Variants in NAV3 observed in about 807,000 individuals in gnomAD.
NAV3 encodes pore membrane and/or filament interacting like protein 1.
A neutral mutation model predicts 244.7 loss-of-function variants in NAV3; 87 were observed. That is an observed-to-expected ratio of 0.36 (90% CI 0.30 to 0.42). The LOEUF (loss-of-function observed/expected upper bound fraction) is 0.42. Ranked by LOEUF, NAV3 falls within the 20% of genes least tolerant of loss-of-function variation. The pLI is 1.00. For synonymous variants in NAV3, 1,126 were observed against 1,042.2 expected (o/e 1.08, Z -1.55); for missense variants, 2,663 against 2,893.3 (o/e 0.92, Z 1.83).
intron 1 of NAV3, among the ~76,000 whole-genome samples, chr12:77,899,932 G>A (rs1885069750): frequency 6.6e-6 from 1 of 152,078 alleles, no homozygotes; most frequent in African/African-American, 2.4e-5. Flanking sequence ...CTTGTTACAT[G>A]GGTATATTGT....
intron 2 of NAV3, among the ~76,000 whole-genome samples, chr12:77,784,899 T>A (rs1381870556): frequency 6.6e-6 from 1 of 152,186 alleles, no homozygotes; most frequent in Non-Finnish European, 1.5e-5. Context: ...AGCCCTTTGG[T>A]TACTGAAGCA....
chr12:77,698,852 A>G (rs1875432313), intron 2 of NAV3, among the ~76,000 whole-genome samples: 1 of 152,110 alleles, frequency 6.6e-6, no homozygotes, highest in African/African-American at 2.4e-5. Context: ...TCACCTATCC[A>G]TCAACCCTAT....
At chr12:77,728,557 A>G (rs560830824) in intron 2 of NAV3, among the ~76,000 whole-genome samples, 1 of 152,094 alleles carries the variant, frequency 6.6e-6, no homozygotes, top group African/African-American at 2.4e-5. Flanking sequence ...AAACACATCA[A>G]TAGGGTAATA....
chr12:77,708,176 G>GT (rs1565780896), intron 2 of NAV3, among the ~76,000 whole-genome samples: 1 of 152,078 alleles, frequency 6.6e-6, no homozygotes, highest in Non-Finnish European at 1.5e-5. Flanking sequence ...TTCTTCTAGG[G>GT]TTTTTATGGT....
At chr12:77,770,331 A>G (rs954227273) in intron 2 of NAV3, among the ~76,000 whole-genome samples, 4 of 152,188 alleles carry the variant, frequency 2.6e-5, no homozygotes, top group African/African-American at 9.7e-5. Context: ...GCACTTCTGG[A>G]TGAACAGACG....
At chr12:77,641,340 G>C (rs1366600796) in intron 2 of NAV3, among the ~76,000 whole-genome samples, 1 of 152,024 alleles carries the variant, frequency 6.6e-6, no homozygotes, top group African/African-American at 2.4e-5. Flanking sequence ...TGACATCACA[G>C]AGCGGCAGAA....
intron 1 of NAV3, among the ~76,000 whole-genome samples, chr12:77,917,936 A>G (rs1416457525): frequency 2.6e-5 from 4 of 152,048 alleles, no homozygotes; most frequent in African/African-American, 9.7e-5. Context: ...CTTATAATTG[A>G]TAACTTCTCT....
intron 2 of NAV3, among the ~76,000 whole-genome samples, chr12:77,606,117 G>T (rs999610323): frequency 6.6e-5 from 10 of 152,096 alleles, no homozygotes; most frequent in Non-Finnish European, 1.5e-4. Context: ...TGAGCACTTG[G>T]TAATGGCTTA....
At chr12:77,698,613 A>C (rs1875420255) in intron 2 of NAV3, among the ~76,000 whole-genome samples, 1 of 152,176 alleles carries the variant, frequency 6.6e-6, no homozygotes, top group Non-Finnish European at 1.5e-5. Context: ...TGGGAATGCT[A>C]TTAGTTGAAG....
intron 12 of NAV3, among the ~76,000 whole-genome samples, chr12:78,100,036 T>A (rs2138190356): frequency 6.6e-6 from 1 of 151,842 alleles, no homozygotes; most frequent in African/African-American, 2.4e-5. Flanking sequence ...TAAAAGCAAA[T>A]AAAAAGGTCA....
In NAV3 at chr12:77,821,642, C is replaced by T. The variant is rs145738824; in HGVS notation, c.73-118677C>T. The stretch of plus-strand genomic sequence containing the variant: ...GGTGTGCCACTCTTTTATGTTTTAG[C>T]CAATTTTATTTGTATATAAGCTTCA... On this transcript the variant is annotated intron_variant, in intron 2 of 8. Coordinates refer to the NAV3 transcript ENST00000550042. 2.7e-3 allele frequency among the ~76,000 whole-genome samples: 404 copies of T among 152,066 alleles called. 2 individuals are homozygous for T. Among genetic ancestry groups the T allele is most frequent in the Non-Finnish European group, 4.3e-3 (289 of 67,978 alleles).
intron 1 of NAV3, among the ~76,000 whole-genome samples, chr12:77,852,189 A>T (rs1275317178): frequency 6.6e-6 from 1 of 152,248 alleles, no homozygotes; most frequent in Non-Finnish European, 1.5e-5. Context: ...TATAAAGTTC[A>T]CGTGTGGTAA....
intron 2 of NAV3, among the ~76,000 whole-genome samples, chr12:77,611,265 T>C (rs1870901376): frequency 6.6e-6 from 1 of 152,006 alleles, no homozygotes; most frequent in Non-Finnish European, 1.5e-5. Flanking sequence ...TTTATTTTAC[T>C]GGACCATTTT....
chr12:78,002,342 C>G (rs1325452687), intron 7 of NAV3, among the ~76,000 whole-genome samples: 1 of 152,168 alleles, frequency 6.6e-6, no homozygotes, highest in Non-Finnish European at 1.5e-5. Flanking sequence ...CACCGTGATT[C>G]TTACATTGTA....
At chr12:77,971,186 G>T (rs904642925) in intron 5 of NAV3, among the ~76,000 whole-genome samples, 1 of 151,946 alleles carries the variant, frequency 6.6e-6, no homozygotes, top group Non-Finnish European at 1.5e-5. Context: ...AGGATGTCTC[G>T]ATTTTTCATT....
At chr12:78,137,067 A>G (rs1956403964) in intron 18 of NAV3, 110 bp from the exon 19 acceptor site, 1 of 990,736 alleles carries the variant, frequency 1.0e-6, no homozygotes. Context: ...GGGACTCACT[A>G]TACATTCATG....
At chr12:78,070,531 A>G (rs529868179) in intron 12 of NAV3, among the ~76,000 whole-genome samples, 1 of 152,220 alleles carries the variant, frequency 6.6e-6, no homozygotes, top group East Asian at 1.9e-4. Context: ...AGTGAAAACT[A>G]ATAGATATGC....
At chr12:77,836,550 GAAAT>G (rs1874669588) in intron 1 of NAV3, among the ~76,000 whole-genome samples, 1 of 145,070 alleles carries the variant, frequency 6.9e-6, no homozygotes, top group African/African-American at 2.9e-5. Context: ...CATTTACAGA[GAAAT>G]AAACAGAGAG....
intron 1 of NAV3, among the ~76,000 whole-genome samples, chr12:77,843,949 G>C (rs1876166180): frequency 6.6e-6 from 1 of 152,192 alleles, no homozygotes; most frequent in African/African-American, 2.4e-5. Context: ...GATAAAGCTA[G>C]AGGAAAGGCC....
Sources: allele counts gnomAD v4.1 joint callset (sites outside exome capture counted in the v4.1 genomes callset), GRCh38; gene constraint gnomAD v4.1.1; transcripts MANE v1.5; gene names NCBI Gene and HGNC (gene_info 2026-07-23, HGNC 2026-07-21).